PRAG1: variants seen among roughly 807,000 people sequenced by gnomAD.
The protein encoded by PRAG1 is inactive tyrosine-protein kinase PRAG1.
PRAG1 carries 110 observed loss-of-function variants against 95.6 expected under a neutral mutation model. That is an observed-to-expected ratio of 1.15 (90% confidence interval 0.99 to 1.35). The LOEUF (loss-of-function observed/expected upper bound fraction) is 1.35, where lower values mean the gene tolerates loss of function less well. PRAG1 is among the 40% of genes most tolerant of loss of function. The pLI, the probability that PRAG1 is intolerant of heterozygous loss-of-function variation, is 0.00. For synonymous variants in PRAG1, 1,052 were observed against 819.4 expected (o/e 1.28, Z -4.85); for missense variants, 2,554 against 1,864.7 (o/e 1.37, Z -6.81).
intron 4 of PRAG1, among the ~76,000 whole-genome samples, chr8:8,334,965 A>T (rs1482812516): frequency 2.0e-5 from 3 of 151,850 alleles, no homozygotes; most frequent in Non-Finnish European, 4.4e-5. Flanking sequence ...ATGCAGTCCT[A>T]GCTGCTGAGG....
chr8:8,341,568 G>A lies in PRAG1; in HGVS notation c.2163-1933C>T, dbSNP rs138586710. 3.7e-3 allele frequency among the ~76,000 whole-genome samples: 563 copies of A among 152,206 alleles called. 11 individuals carry two copies. Among genetic ancestry groups the A allele is most frequent in the Admixed American group, 0.027 (409 of 15,296 alleles). On this transcript the variant is annotated intron_variant, in intron 3 of 5. Transcript: ENST00000615670. Reference sequence around the variant, plus strand: ...TTCAAAATCATTTTTGGCTATTAGGGTTTATTAAATGCCTTTTCTACATCT... The same window carrying A: ...TTCAAAATCATTTTTGGCTATTAGGATTTATTAAATGCCTTTTCTACATCT...
intron 3 of PRAG1, among the ~76,000 whole-genome samples, chr8:8,365,738 G>A (rs1357283138): frequency 2.0e-5 from 3 of 151,970 alleles, no homozygotes; most frequent in Non-Finnish European, 1.5e-5. Context: ...CAAGGAGGGT[G>A]GATCACCTGA....
intron 3 of PRAG1, among the ~76,000 whole-genome samples, chr8:8,371,869 C>A (rs943963885): frequency 6.6e-6 from 1 of 152,026 alleles, no homozygotes; most frequent in Non-Finnish European, 1.5e-5. Flanking sequence ...TGTCTCAAAA[C>A]GAAACACACA....
At chr8:8,353,561 T>C (rs926833598) in intron 3 of PRAG1, among the ~76,000 whole-genome samples, 4 of 152,152 alleles carry the variant, frequency 2.6e-5, no homozygotes, top group Non-Finnish European at 5.9e-5. Flanking sequence ...AAAGTAGTTC[T>C]AAGAGGAAAT....
intron 4 of PRAG1, among the ~76,000 whole-genome samples, chr8:8,331,063 A>G (rs1006563817): frequency 5.9e-5 from 9 of 152,124 alleles, no homozygotes; most frequent in Non-Finnish European, 1.2e-4. Context: ...TCAACACAAC[A>G]GAAGCTGAGG....
At chr8:8,351,157 G>A (rs1000339308) in intron 3 of PRAG1, among the ~76,000 whole-genome samples, 9 of 152,126 alleles carry the variant, frequency 5.9e-5, no homozygotes, top group African/African-American at 2.2e-4. Context: ...TGGGCTTCTG[G>A]GTAGGCCTCA....
At chr8:8,323,787 A>T (rs1233659047) in intron 5 of PRAG1, among the ~76,000 whole-genome samples, 1 of 152,182 alleles carries the variant, frequency 6.6e-6, no homozygotes, top group Non-Finnish European at 1.5e-5. Flanking sequence ...AGTCTCAGGT[A>T]TGTCTTTATT....
chr8:8,335,154 A>T lies in PRAG1; in HGVS notation c.2320+4324T>A, dbSNP rs140320364. Among the ~76,000 whole-genome samples, 286 of 152,312 alleles carry T rather than the reference A, an allele frequency of 1.9e-3. 2 individuals are homozygous for T. The highest frequency in any genetic ancestry group is 2.5e-3 in the Non-Finnish European group (168 of 68,020). ...CTTTGGTAATATTTATTTAAAATACACATACAGTTTGATATGTCAGTTCCA... is the reference window on the plus strand; with the variant it reads ...CTTTGGTAATATTTATTTAAAATACTCATACAGTTTGATATGTCAGTTCCA... On this transcript the variant is annotated intron_variant, in intron 4 of 5. Coordinates refer to ENST00000615670, the MANE Select transcript of PRAG1 (RefSeq NM_001080826.3).
chr8:8,382,073 T>C (rs1800696218), intron 1 of PRAG1, among the ~76,000 whole-genome samples: 2 of 151,832 alleles, frequency 1.3e-5, no homozygotes, highest in Admixed American at 6.5e-5. Context: ...AAGGAGTAAA[T>C]AAAAGACATT....
At chr8:8,329,974 GAGAACCAA>G (rs1563229736) in intron 4 of PRAG1, among the ~76,000 whole-genome samples, 2 of 152,210 alleles carry the variant, frequency 1.3e-5, no homozygotes, top group African/African-American at 4.8e-5. Context: ...CACAGGAGCT[GAGAACCAA>G]TGGATTCATG....
Position 8,327,812 on chromosome 8 carries a change from C to G in PRAG1, c.2970G>C (p.Ser990=), listed in dbSNP as rs750330082. ...KELHFNENNW[S]LFKLTCNKPC... ...GCTTGTTACAAGTCAGCTTGAAGAGCGACCAGTTATTCTCATTGAAGTGGA... is the reference window on the plus strand; with the variant it reads ...GCTTGTTACAAGTCAGCTTGAAGAGGGACCAGTTATTCTCATTGAAGTGGA... The change falls in exon 5 of 6, where the codon TCG becomes TCC. Residue 990 remains serine (S), a synonymous_variant. Coordinates refer to ENST00000615670, the MANE Select transcript of PRAG1 (RefSeq NM_001080826.3). 1.2e-6 allele frequency: 2 copies of G among 1,614,082 alleles called. No homozygotes were observed. The highest frequency in any genetic ancestry group is 2.2e-5 in the East Asian group (1 of 44,896).
intron 3 of PRAG1, among the ~76,000 whole-genome samples, chr8:8,366,472 T>C (rs181995767): frequency 3.9e-5 from 6 of 152,068 alleles, no homozygotes; most frequent in African/African-American, 1.4e-4. Context: ...TGCCACAATG[T>C]CTGGCTAATT....
At chr8:8,361,800 T>A (rs985261727) in intron 3 of PRAG1, among the ~76,000 whole-genome samples, 1 of 152,250 alleles carries the variant, frequency 6.6e-6, no homozygotes, top group African/African-American at 2.4e-5. Flanking sequence ...GGCTCTTTAG[T>A]TCAAATGAAG....
intron 3 of PRAG1, among the ~76,000 whole-genome samples, chr8:8,357,621 A>G (rs1221611354): frequency 6.6e-6 from 1 of 152,222 alleles, no homozygotes; most frequent in Non-Finnish European, 1.5e-5. Context: ...GCTATGGAAA[A>G]CAGTAAGGCA....
At chr8:8,326,849 C>G (rs764483621) in intron 5 of PRAG1, among the ~76,000 whole-genome samples, 2 of 152,216 alleles carry the variant, frequency 1.3e-5, no homozygotes, top group Non-Finnish European at 2.9e-5. Context: ...GATCCTCCAT[C>G]TGTAAAACCT....
At chr8:8,335,504 C>G (rs2117135166) in intron 4 of PRAG1, among the ~76,000 whole-genome samples, 1 of 152,010 alleles carries the variant, frequency 6.6e-6, no homozygotes, top group South Asian at 2.1e-4. Context: ...TGTCAGAAAA[C>G]TGACTTTTCA....
In PRAG1 at chr8:8,328,422, C is replaced by G. The variant is rs1798717088; in HGVS notation, c.2360G>C (p.Gly787Ala). Residue 787 changes from glycine to alanine, a missense_variant, in exon 5 of 6, where the codon GGG becomes GCG. Transcript: ENST00000615670. The stretch of plus-strand genomic sequence containing the variant: ...CGGAACGGGAGCAAAGAGCTTCTTC[C>G]CGCTGTTGGTGGGCGAGTGAGCCAG... ...SELAHSPTNS[G>A]KKLFAPVPFP... The G allele has an allele frequency of 1.2e-6, 2 of 1,613,574 alleles. No individual in the cohort carries two copies. Among genetic ancestry groups the G allele is most frequent in the Admixed American group, 1.7e-5 (1 of 59,996 alleles).
At chr8:8,368,463 T>G (rs1238051209) in intron 3 of PRAG1, among the ~76,000 whole-genome samples, 1 of 152,234 alleles carries the variant, frequency 6.6e-6, no homozygotes, top group Non-Finnish European at 1.5e-5. Flanking sequence ...GGATGCAGAC[T>G]CTGATCTTTA....
At chr8:8,348,056 AC>A (rs1251632102) in intron 3 of PRAG1, among the ~76,000 whole-genome samples, 2 of 152,192 alleles carry the variant, frequency 1.3e-5, no homozygotes, top group Non-Finnish European at 2.9e-5. Flanking sequence ...GACTGGGACT[AC>A]AGGTGCATGC....
Sources: gnomAD v4.1 joint callset for allele counts (sites outside exome capture counted in the v4.1 genomes callset) on GRCh38, gnomAD v4.1.1 for gene constraint, MANE v1.5 for transcripts, NCBI Gene and HGNC (gene_info 2026-07-23, HGNC 2026-07-21) for gene names.